Variants in ADAMTS2 observed in about 807,000 individuals in gnomAD.
ADAMTS2 encodes the protein ADAM metallopeptidase with thrombospondin type 1 motif 2.
Under a neutral mutation model 123.0 loss-of-function variants are expected in ADAMTS2, and 50 were observed. The observed-to-expected ratio is 0.41, with a 90% CI of 0.32 to 0.51. The LOEUF (loss-of-function observed/expected upper bound fraction) is 0.51. ADAMTS2 is among the 20% of genes least tolerant of loss of function. The pLI is 0.35. For missense variants in ADAMTS2, 1,494 were observed against 1,705.2 expected (o/e 0.88, Z 2.18); for synonymous variants, 678 against 695.4 (o/e 0.98, Z 0.39).
At chr5:179,193,028 CT>C (rs1764342637) in intron 4 of ADAMTS2, among the ~76,000 whole-genome samples, 1 of 152,198 alleles carries the variant, frequency 6.6e-6, no homozygotes, top group Admixed American at 6.5e-5. Context: ...CAAGGGGCTC[CT>C]CTGTGTGGAA....
chr5:179,135,834 G>A (rs1287875734), intron 13 of ADAMTS2, 75 bp downstream of exon 13: 13 of 1,602,684 alleles, frequency 8.1e-6, no homozygotes, highest in African/African-American at 2.7e-5. Context: ...CCAATACCCC[G>A]AAAAGGGGGA....
chr5:179,168,021 G>C (rs1763740605), intron 5 of ADAMTS2, among the ~76,000 whole-genome samples: 1 of 152,212 alleles, frequency 6.6e-6, no homozygotes, highest in Admixed American at 6.5e-5. Flanking sequence ...TCCTGCCTCA[G>C]ACCAGCCTCC....
At chr5:179,135,827 A>G in intron 13 of ADAMTS2, 82 bp downstream of exon 13, 1 of 1,594,224 alleles carries the variant, frequency 6.3e-7, no homozygotes, top group Non-Finnish European at 8.5e-7. Flanking sequence ...CATCTTGCCA[A>G]TACCCCGAAA....
intron 10 of ADAMTS2, among the ~76,000 whole-genome samples, chr5:179,149,072 C>T (rs957919913): frequency 6.6e-6 from 1 of 152,126 alleles, no homozygotes; most frequent in Admixed American, 6.5e-5. Context: ...CAGCCAGTGG[C>T]GCAGGTGGGG....
intron 3 of ADAMTS2, among the ~76,000 whole-genome samples, chr5:179,261,704 GCT>G (rs902436006): frequency 2.6e-5 from 4 of 152,200 alleles, no homozygotes; most frequent in African/African-American, 9.6e-5. Context: ...GGACAGGAAG[GCT>G]CTGCCTGCAA....
rs1466376853 is a variant in ADAMTS2, at chr5:179,272,486, G to A, written c.688+425C>T. 6.6e-6 allele frequency among the ~76,000 whole-genome samples: 1 copy of A among 152,216 alleles called. No individual in the cohort carries two copies. Among genetic ancestry groups the A allele is most frequent in the African/African-American group, 2.4e-5 (1 of 41,474 alleles). On this transcript the variant is annotated intron_variant, in intron 3 of 21. Transcript: ENST00000251582. This position sits in a 1 kb window ranked among gnomAD's most constrained non-coding sequence, Gnocchi z 5.8. ...CCAGGGACCATGGCAGCACAGAGCA[G>A]GAGAGGCGCTGTCTGGGGCTCTGGA...
At chr5:179,274,032 G>A (rs1000452187) in intron 2 of ADAMTS2, among the ~76,000 whole-genome samples, 100 of 132,712 alleles carry the variant, frequency 7.5e-4, no homozygotes, top group African/African-American at 2.8e-3. Context: ...TCGGCCATCT[G>A]GTAAACCTGT....
In ADAMTS2 at chr5:179,264,333, C is replaced by T. The variant is rs111912714; in HGVS notation, c.688+8578G>A. On this transcript the variant is annotated intron_variant, in intron 3 of 21. Coordinates refer to ENST00000251582, the MANE Select transcript of ADAMTS2 (RefSeq NM_014244.5). ...GCCTCACCTGGGTCCCAAGCAGGTC[C>T]CACTGCTCCTTGCCCAAACTTCACC... Among the ~76,000 whole-genome samples, 30 of 152,346 alleles carry T rather than the reference C, an allele frequency of 2.0e-4. 1 individual carries two copies. Among genetic ancestry groups the T allele is most frequent in the East Asian group, 1.2e-3 (6 of 5,188 alleles).
At chr5:179,136,798 G>A (rs1327177261) in intron 12 of ADAMTS2, among the ~76,000 whole-genome samples, 2 of 151,336 alleles carry the variant, frequency 1.3e-5, no homozygotes, top group Admixed American at 6.6e-5. Flanking sequence ...GTGAAACCCT[G>A]TCTCTACAAA....
chr5:179,171,116 G>A (rs1381193505), intron 5 of ADAMTS2, among the ~76,000 whole-genome samples: 1 of 150,114 alleles, frequency 6.7e-6, no homozygotes, highest in Non-Finnish European at 1.5e-5. Flanking sequence ...TGTCACATTT[G>A]CTTTTCCCAG....
chr5:179,219,080 C>T (rs1765068196), intron 3 of ADAMTS2, among the ~76,000 whole-genome samples: 1 of 152,202 alleles, frequency 6.6e-6, no homozygotes, highest in Admixed American at 6.5e-5. Context: ...TGCACCCCAG[C>T]TCCAGGAGTG....
chr5:179,258,350 C>G (rs1272122034), intron 3 of ADAMTS2, among the ~76,000 whole-genome samples: 1 of 152,146 alleles, frequency 6.6e-6, no homozygotes, highest in Non-Finnish European at 1.5e-5. Context: ...CCACCAGGTG[C>G]TCCTGCTGTG....
chr5:179,304,282 G>C lies in ADAMTS2; in HGVS notation c.535-31218C>G, dbSNP rs1825627. Reference sequence around the variant, plus strand: ...CAAAGTCTCATAGGGTAATATCAAAGTGTCCAGGATACAGTCCAAAATTAC... The same window carrying C: ...CAAAGTCTCATAGGGTAATATCAAACTGTCCAGGATACAGTCCAAAATTAC... On this transcript the variant is annotated intron_variant, in intron 2 of 21. Coordinates refer to ENST00000251582, the MANE Select transcript of ADAMTS2 (RefSeq NM_014244.5). 8.5e-3 allele frequency among the ~76,000 whole-genome samples: 1,294 copies of C among 152,252 alleles called. 30 individuals are homozygous for C. The highest frequency in any genetic ancestry group is 0.056 in the Admixed American group (853 of 15,300).
rs1764736850 is a variant in ADAMTS2 at position 179,207,685 on chromosome 5, C to G, written c.719G>C (p.Ser240Thr). ...CTCCTCTAGGACGCCCAGGGCGCGGCTGAGGCTGTCCAGGCTGTCCAGGGA... is the reference window on the plus strand; with the variant it reads ...CTCCTCTAGGACGCCCAGGGCGCGGGTGAGGCTGTCCAGGCTGTCCAGGGA... ...GASLDSLDSLSRALGVLEEHA... is the reference protein window; with the variant it reads ...GASLDSLDSLTRALGVLEEHA... The change falls in exon 4 of 22, where the codon AGC (serine) becomes ACC (threonine). Residue 240 changes from serine (S) to threonine (T), a missense_variant. Transcript: ENST00000251582. 1.2e-6 allele frequency: 2 copies of G among 1,612,778 alleles called. No homozygotes were observed. Among genetic ancestry groups the G allele is most frequent in the Non-Finnish European group, 8.5e-7 (1 of 1,179,990 alleles).
At chr5:179,274,058 C>T (rs1766623272) in intron 2 of ADAMTS2, among the ~76,000 whole-genome samples, 1 of 150,560 alleles carries the variant, frequency 6.6e-6, no homozygotes, top group Admixed American at 6.7e-5. Context: ...CCCTTCGAGG[C>T]CTGATTCAGA....
rs1581162408 is a variant in ADAMTS2 at position 179,162,764 on chromosome 5, C to T, written c.976-3885G>A. ...CATCACGAAGGCTGCCTGCCACTGA[C>T]GGGTGTCATTTATGCCTGAAGAAGT... is the stretch of plus-strand genomic sequence containing the variant. On this transcript the variant is annotated intron_variant, in intron 5 of 21. Coordinates refer to ENST00000251582, the MANE Select transcript of ADAMTS2 (RefSeq NM_014244.5). This position sits in a 1 kb window ranked among gnomAD's most constrained non-coding sequence, Gnocchi z 5.1. Among the ~76,000 whole-genome samples the T allele has an allele frequency of 6.6e-6, 1 of 152,232 alleles. No individual in the cohort carries two copies. The highest frequency in any genetic ancestry group is 2.4e-5 in the African/African-American group (1 of 41,464).
chr5:179,329,129 C>T (rs559194252), intron 2 of ADAMTS2, among the ~76,000 whole-genome samples: 209 of 152,162 alleles, frequency 1.4e-3, no homozygotes, highest in Middle Eastern at 6.8e-3. Flanking sequence ...AGATGGAGAC[C>T]ATCCTGGCTA....
In ADAMTS2 at chr5:179,307,974, G is replaced by A. The variant is rs1300826649; in HGVS notation, c.535-34910C>T. 1.3e-5 allele frequency among the ~76,000 whole-genome samples: 2 copies of A among 152,270 alleles called. No individual in the cohort carries two copies. The highest frequency in any genetic ancestry group is 2.1e-4 in the South Asian group (1 of 4,816). On this transcript the variant is annotated intron_variant, in intron 2 of 21. Transcript: ENST00000251582. The surrounding 1 kb of genome is among the most constrained non-coding windows in gnomAD (Gnocchi z 5.6). ...ACGAGAGCAAAGTTGTCCTTGCTGG[G>A]TCCACGTCACCAGACCAGTGCCTGG... is the stretch of plus-strand genomic sequence containing the variant.
At position 179,188,673 on chromosome 5, in the gene ADAMTS2, C is replaced by T. The variant is rs1178244390; in HGVS notation, c.892-7518G>A. Among the ~76,000 whole-genome samples the T allele has an allele frequency of 2.0e-5, 3 of 152,088 alleles. No individual in the cohort carries two copies. The highest frequency in any genetic ancestry group is 2.1e-4 in the South Asian group (1 of 4,826). ...CATCAAAAAGTGAGGTGGTCAGAGTCCCCTCCTTCAATACCCAGCGCAGGA... is the reference window on the plus strand; with the variant it reads ...CATCAAAAAGTGAGGTGGTCAGAGTTCCCTCCTTCAATACCCAGCGCAGGA... On this transcript the variant is annotated intron_variant, in intron 4 of 21. Coordinates refer to ENST00000251582, the MANE Select transcript of ADAMTS2 (RefSeq NM_014244.5). This position sits in a 1 kb window ranked among gnomAD's most constrained non-coding sequence, Gnocchi z 5.1.
Sources: allele counts gnomAD v4.1 joint callset (sites outside exome capture counted in the v4.1 genomes callset), GRCh38; gene constraint gnomAD v4.1.1; non-coding constraint Gnocchi (gnomAD v3.1); transcripts MANE v1.5; gene names NCBI Gene and HGNC (gene_info 2026-07-23, HGNC 2026-07-21).